Variants in SNTG1 observed in about 807,000 individuals in gnomAD.
SNTG1 encodes syntrophin gamma 1, also known as gamma-1-syntrophin.
In SNTG1, 39 loss-of-function variants were observed where a neutral mutation model predicts 74.7. The ratio of observed to expected loss-of-function variants is 0.52; its 90% CI spans 0.40 to 0.68. The LOEUF (loss-of-function observed/expected upper bound fraction) is 0.68, where lower values mean the gene tolerates loss of function less well. Ranked by LOEUF, SNTG1 falls within the 30% of genes least tolerant of loss-of-function variation. The pLI is 0.00. For missense variants in SNTG1, 685 were observed against 609.5 expected, an observed-to-expected ratio of 1.12 and a Z score of -1.30; for synonymous variants, 254 against 217.1, an observed-to-expected ratio of 1.17 and a Z score of -1.49.
chr8:50,691,612 A>G (rs989562906), intron 15 of SNTG1, among the ~76,000 whole-genome samples: 1 of 152,182 alleles, frequency 6.6e-6, no homozygotes, highest in Admixed American at 6.5e-5. Flanking sequence ...TTCTGCCGAG[A>G]GATCAGCTGT....
chr8:50,303,695 A>G (rs1392309024), intron 2 of SNTG1, among the ~76,000 whole-genome samples: 22 of 151,974 alleles, frequency 1.4e-4, no homozygotes, highest in Admixed American at 1.4e-3. Context: ...TTAAATATAT[A>G]ATTTTTAAAA....
At chr8:50,032,610 C>T (rs1303436487) in intron 1 of SNTG1, among the ~76,000 whole-genome samples, 1 of 152,124 alleles carries the variant, frequency 6.6e-6, no homozygotes, top group Non-Finnish European at 1.5e-5. Context: ...ATGTTCCAGT[C>T]GTGCCCAGGC....
chr8:49,984,650 ATGT>A (rs1433482179), intron 1 of SNTG1, among the ~76,000 whole-genome samples: 5 of 152,240 alleles, frequency 3.3e-5, no homozygotes, highest in Admixed American at 3.3e-4. Flanking sequence ...TAAAAAATAA[ATGT>A]TGTTTTTAAA....
intron 1 of SNTG1, among the ~76,000 whole-genome samples, chr8:50,160,653 A>G (rs901592373): frequency 2.7e-5 from 4 of 150,608 alleles, no homozygotes; most frequent in Non-Finnish European, 5.9e-5. Flanking sequence ...TCTGAGTCAT[A>G]ATATATTTCT....
intron 2 of SNTG1, among the ~76,000 whole-genome samples, chr8:50,204,571 T>C (rs2131859851): frequency 6.6e-6 from 1 of 152,286 alleles, no homozygotes; most frequent in South Asian, 2.1e-4. Context: ...TAAAATAAGA[T>C]ATAAATTTTT....
At position 50,721,788 on chromosome 8, in the gene SNTG1, C is replaced by T. The variant is rs191343709; in HGVS notation, c.1284+12810C>T. On this transcript the variant is annotated intron_variant, in intron 17 of 18. Transcript: ENST00000642720. The stretch of plus-strand genomic sequence containing the variant: ...TACTGGGAAATTGCAATAACTCTAG[C>T]TATTGCATAGCTCTTGCAGGGATCA... Among the ~76,000 whole-genome samples the T allele has an allele frequency of 9.1e-4, 138 of 152,244 alleles. 2 individuals carry two copies. Among genetic ancestry groups the T allele is most frequent in the Middle Eastern group, 6.8e-3 (2 of 294 alleles).
At chr8:50,399,695 T>TC (rs11372063) in intron 3 of SNTG1, among the ~76,000 whole-genome samples, 104,523 of 151,912 alleles carry the variant, frequency 0.69, 36,179 homozygotes, top group East Asian at 0.84. Context: ...CAGAGTGGCT[T>TC]CCCCCCTCAA....
At chr8:50,669,279 A>G (rs2095266469) in intron 15 of SNTG1, among the ~76,000 whole-genome samples, 1 of 152,154 alleles carries the variant, frequency 6.6e-6, no homozygotes, top group African/African-American at 2.4e-5. Context: ...GATCAACAAA[A>G]TTGATAGACC....
intron 2 of SNTG1, among the ~76,000 whole-genome samples, chr8:50,190,503 A>G (rs2083532349): frequency 6.6e-6 from 1 of 152,160 alleles, no homozygotes; most frequent in Admixed American, 6.6e-5. Context: ...AGTTGATTTA[A>G]ATGATTTCTC....
chr8:50,769,857 G>A (rs372341076), intron 18 of SNTG1, among the ~76,000 whole-genome samples: 2 of 152,112 alleles, frequency 1.3e-5, no homozygotes, highest in South Asian at 4.1e-4. Flanking sequence ...ATTAAACATT[G>A]TTCTATTACA....
chr8:50,754,576 T>C (rs6473338), intron 18 of SNTG1, among the ~76,000 whole-genome samples: 29,500 of 151,848 alleles, frequency 0.19, 4,039 homozygotes, highest in African/African-American at 0.39. Flanking sequence ...GTGCCTTGTC[T>C]CTGTTTTTCT....
At chr8:50,103,627 C>A (rs914653379) in intron 1 of SNTG1, among the ~76,000 whole-genome samples, 1 of 152,168 alleles carries the variant, frequency 6.6e-6, no homozygotes, top group African/African-American at 2.4e-5. Context: ...GAGGGCATCC[C>A]TGTCTTGTGC....
chr8:50,790,833 T>TG (rs1273600982), intron 18 of SNTG1, among the ~76,000 whole-genome samples: 1 of 151,936 alleles, frequency 6.6e-6, no homozygotes, highest in Non-Finnish European at 1.5e-5. Flanking sequence ...TTTCTAAAGA[T>TG]GCCTGGATAC....
At chr8:50,309,439 G>A (rs551650311) in intron 2 of SNTG1, among the ~76,000 whole-genome samples, 23 of 151,934 alleles carry the variant, frequency 1.5e-4, no homozygotes, top group African/African-American at 5.1e-4. Context: ...TGATTCCTTC[G>A]GCCCACATAG....
intron 1 of SNTG1, among the ~76,000 whole-genome samples, chr8:50,132,975 T>C (rs2081362740): frequency 6.6e-6 from 1 of 152,164 alleles, no homozygotes; most frequent in Non-Finnish European, 1.5e-5. Flanking sequence ...CTTGACACCG[T>C]CTCCAGGACA....
chr8:50,659,927 C>T (rs1214319753), intron 15 of SNTG1, among the ~76,000 whole-genome samples: 1 of 151,342 alleles, frequency 6.6e-6, no homozygotes, highest in Non-Finnish European at 1.5e-5. Context: ...GCAACCTCCA[C>T]CTCCCAGGTT....
chr8:50,721,992 CA>C (rs1467619866), intron 17 of SNTG1, among the ~76,000 whole-genome samples: 1 of 152,054 alleles, frequency 6.6e-6, no homozygotes, highest in African/African-American at 2.4e-5. Flanking sequence ...GTGTCAGGAA[CA>C]AATGATGGAT....
chr8:50,041,064 T>G (rs527482773), intron 1 of SNTG1, among the ~76,000 whole-genome samples: 1 of 152,130 alleles, frequency 6.6e-6, no homozygotes, highest in Admixed American at 6.5e-5. Context: ...GCCCGGCTAA[T>G]TTTGTATTTT....
intron 2 of SNTG1, among the ~76,000 whole-genome samples, chr8:50,296,834 G>A (rs2089403600): frequency 6.6e-6 from 1 of 152,092 alleles, no homozygotes; most frequent in East Asian, 1.9e-4. Context: ...ACAAAAAACA[G>A]TTTATTCCAT....
Sources: gnomAD v4.1 joint callset for allele counts (sites outside exome capture counted in the v4.1 genomes callset) on GRCh38, gnomAD v4.1.1 for gene constraint, MANE v1.5 for transcripts, NCBI Gene and HGNC (gene_info 2026-07-23, HGNC 2026-07-21) for gene names.